The following ACAD9 variants were observed in gnomAD, a reference collection of about 807,000 sequenced individuals.
The protein encoded by ACAD9 is complex I assembly factor ACAD9, mitochondrial.
ACAD9 carries 53 observed loss-of-function variants against 70.2 expected under a neutral mutation model. The observed-to-expected ratio is 0.75, with a 90% CI of 0.61 to 0.95. The LOEUF (loss-of-function observed/expected upper bound fraction) is 0.95, where lower values mean the gene tolerates loss of function less well. Ranked by LOEUF, ACAD9 falls within the 40% of genes least tolerant of loss-of-function variation. The pLI is 0.00. For synonymous variants in ACAD9, 313 were observed against 312.1 expected (o/e 1.00, Z -0.03); for missense variants, 777 against 802.8 (o/e 0.97, Z 0.39).
chr3:128,901,172 T>TTGGATGGATGGATGGA lies in ACAD9; in HGVS notation c.809-89_809-74dup, dbSNP rs370353055. ...TCTTTCTATACTGTCCTACCAAACA[T>TTGGATGGATGGATGGA]TGGATGGATGGATGGATGGATGGAT... is the stretch of plus-strand genomic sequence containing the variant. On this transcript the variant is annotated intron_variant, in intron 7 of 17. Transcript: ENST00000308982. 0.018 allele frequency: 18,856 copies of TTGGATGGATGGATGGA among 1,076,244 alleles called. 566 individuals are homozygous for TTGGATGGATGGATGGA. Among genetic ancestry groups the TTGGATGGATGGATGGA allele is most frequent in the South Asian group, 0.079 (6,116 of 76,992 alleles). 66.7% of individuals were successfully genotyped at this position (1,076,244 alleles called of 1,614,324 possible).
chr3:128,883,946 C>T (rs762735561), intron 1 of ACAD9, among the ~76,000 whole-genome samples: 55 of 152,190 alleles, frequency 3.6e-4, no homozygotes, highest in Admixed American at 1.0e-3. Context: ...AGCTCTGACT[C>T]AGGACATCAC....
rs1214866672 is a variant in ACAD9, at chr3:128,908,424, T to C, written c.1358+160T>C. ...ACCTTCCCCTGTGGTAGTGGGGGGC[T>C]TGCTGCCCAGGGAAGCCCTCGCTGC... On this transcript the variant is annotated intron_variant, in intron 13 of 17. Coordinates refer to ENST00000308982, the MANE Select transcript of ACAD9 (RefSeq NM_014049.5). 5.9e-6 allele frequency: 5 copies of C among 851,328 alleles called. No homozygotes were observed. In the East Asian group the frequency reaches 1.0e-4, roughly 18 times the overall value. 52.7% of individuals were successfully genotyped at this position (851,328 alleles called of 1,614,324 possible). A position where few individuals can be genotyped will look rare whatever the true frequency, so the allele number is the denominator to read the frequency against.
chr3:128,884,377 G>A (rs1935184080), intron 1 of ACAD9, among the ~76,000 whole-genome samples: 1 of 152,152 alleles, frequency 6.6e-6, no homozygotes, highest in African/African-American at 2.4e-5. Flanking sequence ...TGTTTCATGG[G>A]ACTATTATCA....
At chr3:128,909,519 T>TAGAAC (rs1260441712) in intron 15 of ACAD9, 98 bp downstream of exon 15, 2 of 1,302,424 alleles carry the variant, frequency 1.5e-6, no homozygotes, top group Non-Finnish European at 2.2e-6. Context: ...GGACCAGGCC[T>TAGAAC]AGAACAGAAA....
intron 1 of ACAD9, among the ~76,000 whole-genome samples, chr3:128,883,073 G>GTTTTTT (rs58094285): frequency 1.4e-5 from 2 of 139,096 alleles, no homozygotes; most frequent in Non-Finnish European, 1.6e-5. Flanking sequence ...CCATCAGCTT[G>GTTTTTT]TTTTTTTTTT....
In ACAD9 at chr3:128,881,210, G is replaced by C. The variant is rs562821563; in HGVS notation, c.150+1369G>C. Reference sequence around the variant, plus strand: ...TGGAAAACCTTTTACCCAGGACCTGGGGCAGTGTGGTGCTCTATCCTGGGA... The same window carrying C: ...TGGAAAACCTTTTACCCAGGACCTGCGGCAGTGTGGTGCTCTATCCTGGGA... On this transcript the variant is annotated intron_variant, in intron 1 of 17. Transcript: ENST00000308982. 3.3e-5 allele frequency among the ~76,000 whole-genome samples: 5 copies of C among 152,316 alleles called. No homozygotes were observed. The East Asian group carries it at 9.6e-4, about 29-fold the overall frequency.
Position 128,908,285 on chromosome 3 carries a change from G to T in ACAD9, c.1358+21G>T, listed in dbSNP as rs377527551. 3.7e-6 allele frequency: 6 copies of T among 1,613,752 alleles called. No homozygotes were observed. The African/African-American group carries it at 8.0e-5, about 22-fold the overall frequency. ...ATCCAGTAGGTGCCATTGTCACCGT[G>T]TGCTTCTCAGGTCCCATACCTGCCC... On this transcript the variant is annotated intron_variant, in intron 13 of 17. Coordinates refer to ENST00000308982, the MANE Select transcript of ACAD9 (RefSeq NM_014049.5).
intron 3 of ACAD9, among the ~76,000 whole-genome samples, chr3:128,894,533 C>CTTTT (rs34217688): frequency 1.5e-5 from 2 of 133,254 alleles, no homozygotes; most frequent in African/African-American, 2.8e-5. Flanking sequence ...AGATTGCGAG[C>CTTTT]TTTTTTTTTT....
At chr3:128,884,083 C>G (rs955537308) in intron 1 of ACAD9, among the ~76,000 whole-genome samples, 1 of 152,182 alleles carries the variant, frequency 6.6e-6, no homozygotes, top group Non-Finnish European at 1.5e-5. Flanking sequence ...GAGACAGCGG[C>G]TGTAGGGATC....
intron 5 of ACAD9, 69 bp downstream of exon 5, chr3:128,896,605 G>T: frequency 6.6e-7 from 1 of 1,526,560 alleles, no homozygotes; most frequent in Non-Finnish European, 9.0e-7. Flanking sequence ...GGGGCAAGGG[G>T]CTGTTGGTTT....
intron 9 of ACAD9, among the ~76,000 whole-genome samples, chr3:128,903,219 G>A (rs985692315): frequency 1.3e-5 from 2 of 152,184 alleles, no homozygotes; most frequent in African/African-American, 4.8e-5. Context: ...GGGTACCCGG[G>A]GCAGCACACC....
intron 11 of ACAD9, 93 bp from the exon 12 acceptor site, chr3:128,906,028 C>T (rs1422406475): frequency 6.3e-7 from 1 of 1,582,756 alleles, no homozygotes; most frequent in East Asian, 2.2e-5. Context: ...GATCTCCTCC[C>T]CAAGCCCGTG....
chr3:128,887,644 A>AATAAATATAT (rs1436892805), intron 2 of ACAD9, among the ~76,000 whole-genome samples: 139 of 133,082 alleles, frequency 1.0e-3, no homozygotes, highest in African/African-American at 3.7e-3. Flanking sequence ...AAAATAAATA[A>AATAAATATAT]ATATATATAT....
In ACAD9 at chr3:128,902,551, AGGT is replaced by A; in HGVS notation, c.884_886del (p.Val295del). 1.9e-6 allele frequency: 3 copies of A among 1,614,074 alleles called. No individual in the cohort carries two copies. Among genetic ancestry groups the A allele is most frequent in the Non-Finnish European group, 1.7e-6 (2 of 1,179,952 alleles). ...CCTGGGCTCTCCCTGTTCTCCCTGC[AGGT>A]GGCCATGAACATCCTCAACAGCGGC... On this transcript the variant is annotated splice_acceptor_variant and coding_sequence_variant, in exon 9 of 18. Coordinates refer to ENST00000308982, the MANE Select transcript of ACAD9 (RefSeq NM_014049.5). LOFTEE classifies it high-confidence loss of function. The surrounding 1 kb of genome is among the most constrained non-coding windows in gnomAD (Gnocchi z 4.0).
rs761798471 is a variant in ACAD9 at position 128,895,321 on chromosome 3, T to C, written c.358T>C (p.Phe120Leu). Residue 120 changes from phenylalanine (F) to leucine (L), a missense_variant, in exon 4 of 18, where the codon TTC (phenylalanine) becomes CTC (leucine). By Grantham distance (22) the Phe-to-Leu change is conservative. Coordinates refer to ENST00000308982, the MANE Select transcript of ACAD9 (RefSeq NM_014049.5). The part of the protein sequence containing the change: ...QVPEEYGGLG[F>L]SNTMYSRLGE... ...TCCATCTCTCCTAGGTGGCCTGGGC[T>C]TCTCCAACACCATGTACTCAAGACT... The C allele has an allele frequency of 6.2e-7, 1 of 1,611,742 alleles. No homozygotes were observed. Among genetic ancestry groups the C allele is most frequent in the Non-Finnish European group, 8.5e-7 (1 of 1,179,082 alleles).
Position 128,909,081 on chromosome 3 carries a change from TG to T in ACAD9, c.1468del (p.Val490CysfsTer41). On this transcript the variant is annotated frameshift_variant, in exon 14 of 18. Transcript: ENST00000308982. LOFTEE classifies it high-confidence loss of function. ...TGGGGCTGACAGGCAACCATGGAGT[TG>T]TGCACCCCAGTCTTGCGGTGAGTGG... ...DLGLTGNHGV[V>X]HPSLADSANK... 1.9e-6 allele frequency: 3 copies of T among 1,614,042 alleles called. No individual in the cohort carries two copies. Among genetic ancestry groups the T allele is most frequent in the Non-Finnish European group, 2.5e-6 (3 of 1,180,002 alleles).
chr3:128,895,349 G>T lies in ACAD9; in HGVS notation c.386G>T (p.Gly129Val). ...GFSNTMYSRL[G>V]EIISMDGSIT... ...TCCAACACCATGTACTCAAGACTAG[G>T]GGAGATCATCAGCATGGATGGGTCC... is the stretch of plus-strand genomic sequence containing the variant. The change falls in exon 4 of 18, where the codon GGG becomes GTG. Residue 129 changes from glycine (G) to valine (V), a missense_variant. Gly to Val is a moderately radical substitution (Grantham distance 109). Transcript: ENST00000308982. The T allele has an allele frequency of 6.2e-7, 1 of 1,613,022 alleles. No individual in the cohort carries two copies. The highest frequency in any genetic ancestry group is 8.5e-7 in the Non-Finnish European group (1 of 1,179,560).
At chr3:128,892,723 C>T (rs1017833766) in intron 2 of ACAD9, among the ~76,000 whole-genome samples, 5 of 152,214 alleles carry the variant, frequency 3.3e-5, no homozygotes, top group African/African-American at 9.6e-5. Context: ...TAAACTGTCT[C>T]AGAACTTGTG....
In ACAD9 at chr3:128,896,458, A is replaced by T. The variant is rs777739010; in HGVS notation, c.476A>T (p.Glu159Val). 3.1e-6 allele frequency: 5 copies of T among 1,614,106 alleles called. No individual in the cohort carries two copies. The highest frequency in any genetic ancestry group is 1.1e-5 in the South Asian group (1 of 91,086). ...GLKGIILAGT[E>V]EQKAKYLPKL... Reference sequence around the variant, plus strand: ...TAGGGGATCATCTTGGCTGGCACTGAGGAGCAGAAAGCCAAATACTTGCCT... The same window carrying T: ...TAGGGGATCATCTTGGCTGGCACTGTGGAGCAGAAAGCCAAATACTTGCCT... The change falls in exon 5 of 18, where the codon GAG (glutamate) becomes GTG (valine). Residue 159 changes from glutamate (E) to valine (V), a missense_variant. Transcript: ENST00000308982.
Sources: gnomAD v4.1 joint callset for allele counts (sites outside exome capture counted in the v4.1 genomes callset) on GRCh38, gnomAD v4.1.1 for gene constraint, Gnocchi (gnomAD v3.1) non-coding constraint, MANE v1.5 for transcripts, NCBI Gene and HGNC (gene_info 2026-07-23, HGNC 2026-07-21) for gene names.